Variants in GALNTL6 observed in about 807,000 individuals in gnomAD.
The protein encoded by GALNTL6 is polypeptide N-acetylgalactosaminyltransferase-like 6.
GALNTL6 carries 46 observed loss-of-function variants against 73.7 expected under a neutral mutation model. The ratio of observed to expected loss-of-function variants is 0.62; its 90% CI spans 0.49 to 0.80. The LOEUF is 0.80. Ranked by LOEUF, GALNTL6 falls within the 30% of genes least tolerant of loss-of-function variation. The pLI is 0.00. For missense variants in GALNTL6, 604 were observed against 755.0 expected (o/e 0.80, Z 2.34); for synonymous variants, 259 against 263.7 (o/e 0.98, Z 0.17).
chr4:172,767,485 C>A (rs1314719235), intron 5 of GALNTL6, among the ~76,000 whole-genome samples: 1 of 152,158 alleles, frequency 6.6e-6, no homozygotes, highest in African/African-American at 2.4e-5. Flanking sequence ...TGCACATCAA[C>A]TACCTATGGC....
At chr4:172,178,195 A>G (rs1438920335) in intron 2 of GALNTL6, among the ~76,000 whole-genome samples, 3 of 152,168 alleles carry the variant, frequency 2.0e-5, no homozygotes. Flanking sequence ...TAAAATTGTT[A>G]TAAGAATTAG....
chr4:172,567,978 C>T (rs1017963245), intron 5 of GALNTL6, among the ~76,000 whole-genome samples: 2 of 152,158 alleles, frequency 1.3e-5, no homozygotes, highest in African/African-American at 2.4e-5. Context: ...TTAAACATTT[C>T]CTTAGTTGAT....
intron 4 of GALNTL6, among the ~76,000 whole-genome samples, chr4:172,317,658 G>A (rs1265579769): frequency 6.6e-6 from 1 of 152,034 alleles, no homozygotes; most frequent in East Asian, 1.9e-4. Flanking sequence ...TTATTTTTAT[G>A]CATAGTAGAA....
At chr4:172,488,524 G>T (rs1474777522) in intron 5 of GALNTL6, among the ~76,000 whole-genome samples, 1 of 152,170 alleles carries the variant, frequency 6.6e-6, no homozygotes, top group East Asian at 1.9e-4. Flanking sequence ...ACTGTAGAAA[G>T]CCCAGCACAG....
chr4:172,980,710 T>C (rs1203444487), intron 10 of GALNTL6, among the ~76,000 whole-genome samples: 1 of 152,180 alleles, frequency 6.6e-6, no homozygotes, highest in Non-Finnish European at 1.5e-5. Context: ...ACTCCATCCT[T>C]ATGACCTCAT....
At chr4:172,679,667 T>C (rs1194458668) in intron 5 of GALNTL6, among the ~76,000 whole-genome samples, 2 of 152,220 alleles carry the variant, frequency 1.3e-5, no homozygotes, top group Non-Finnish European at 2.9e-5. Flanking sequence ...CTGTTATTAT[T>C]ATCATCTTTA....
intron 5 of GALNTL6, among the ~76,000 whole-genome samples, chr4:172,639,270 C>G (rs1160798214): frequency 2.0e-5 from 3 of 152,088 alleles, no homozygotes; most frequent in Admixed American, 6.6e-5. Context: ...AACTCTCAAC[C>G]CTACTGGGAC....
At chr4:172,574,636 A>G (rs1212464850) in intron 5 of GALNTL6, among the ~76,000 whole-genome samples, 1 of 151,786 alleles carries the variant, frequency 6.6e-6, no homozygotes, top group Non-Finnish European at 1.5e-5. Flanking sequence ...AACAACCAGC[A>G]ACAACTAATA....
intron 5 of GALNTL6, among the ~76,000 whole-genome samples, chr4:172,686,964 C>T (rs913834386): frequency 1.3e-5 from 2 of 152,182 alleles, no homozygotes; most frequent in Non-Finnish European, 2.9e-5. Context: ...TCTTACAGCT[C>T]TGTGATGCAG....
chr4:172,693,077 T>C (rs1733414953), intron 5 of GALNTL6, among the ~76,000 whole-genome samples: 1 of 152,184 alleles, frequency 6.6e-6, no homozygotes, highest in Non-Finnish European at 1.5e-5. Flanking sequence ...ATGCATAAAA[T>C]GGAAGAATTT....
intron 2 of GALNTL6, among the ~76,000 whole-genome samples, chr4:171,903,449 G>A (rs1339515694): frequency 3.3e-5 from 5 of 152,082 alleles, no homozygotes; most frequent in East Asian, 1.9e-4. Flanking sequence ...CTTAAAAAAC[G>A]GCACACCAGG....
intron 12 of GALNTL6, among the ~76,000 whole-genome samples, chr4:173,035,909 C>A (rs1753678255): frequency 6.6e-6 from 1 of 152,162 alleles, no homozygotes; most frequent in Admixed American, 6.5e-5. Context: ...ACTAGGGATG[C>A]TCCCTGACTG....
rs147404660 is a variant in GALNTL6 at position 172,426,364 on chromosome 4, A to C, written c.553+77675A>C. ...TAGCAGAGTTTTTTTAATAACAATA[A>C]ATAGTAAAACCCTGTGTTGCTCTGG... On this transcript the variant is annotated intron_variant, in intron 5 of 12. Coordinates refer to ENST00000506823, the MANE Select transcript of GALNTL6 (RefSeq NM_001034845.3). Among the ~76,000 whole-genome samples, 131 of 152,268 alleles carry C rather than the reference A, an allele frequency of 8.6e-4. 1 individual carries two copies. Among genetic ancestry groups the C allele is most frequent in the Non-Finnish European group, 1.4e-3 (93 of 68,014 alleles).
chr4:172,563,362 C>G (rs1736445893), intron 5 of GALNTL6, among the ~76,000 whole-genome samples: 1 of 115,724 alleles, frequency 8.6e-6, no homozygotes, highest in Non-Finnish European at 2.1e-5. Context: ...GACCAACTGT[C>G]AATCCCGCCT....
chr4:172,285,140 A>C (rs1739201283), intron 3 of GALNTL6, among the ~76,000 whole-genome samples: 1 of 152,040 alleles, frequency 6.6e-6, no homozygotes, highest in South Asian at 2.1e-4. Context: ...TTCTCTTTAG[A>C]TCTTTCACTT....
intron 5 of GALNTL6, among the ~76,000 whole-genome samples, chr4:172,503,885 A>AGCATT (rs1428467897): frequency 2.3e-4 from 2 of 8,858 alleles, no homozygotes; most frequent in South Asian, 0.024. Context: ...CCAAGCACAG[A>AGCATT]TCACGCCTGT....
intron 2 of GALNTL6, among the ~76,000 whole-genome samples, chr4:171,918,686 T>C (rs1414570100): frequency 6.6e-6 from 1 of 152,134 alleles, no homozygotes; most frequent in Non-Finnish European, 1.5e-5. Flanking sequence ...CACGGGATAT[T>C]AGCACTTCTA....
intron 5 of GALNTL6, among the ~76,000 whole-genome samples, chr4:172,591,897 A>G (rs1301747027): frequency 6.6e-6 from 1 of 152,180 alleles, no homozygotes; most frequent in African/African-American, 2.4e-5. Flanking sequence ...GACCTTGGCT[A>G]TCAATTCCTA....
chr4:172,205,744 T>G (rs1736091026), intron 2 of GALNTL6, among the ~76,000 whole-genome samples: 1 of 152,246 alleles, frequency 6.6e-6, no homozygotes, highest in Non-Finnish European at 1.5e-5. Flanking sequence ...GTCCCATTCT[T>G]ACATGCAGAA....
Sources: allele counts gnomAD v4.1 joint callset (sites outside exome capture counted in the v4.1 genomes callset), GRCh38; gene constraint gnomAD v4.1.1; transcripts MANE v1.5; gene names NCBI Gene and HGNC (gene_info 2026-07-23, HGNC 2026-07-21).